The following TEX14 variants were observed in gnomAD, a reference collection of about 807,000 sequenced individuals.
The protein encoded by TEX14 is inactive serine/threonine-protein kinase TEX14.
A neutral mutation model predicts 178.6 loss-of-function variants in TEX14; 168 were observed. The ratio of observed to expected loss-of-function variants is 0.94; its 90% CI spans 0.83 to 1.07. The LOEUF is 1.07. TEX14 is among the 50% of genes least tolerant of loss of function. The probability of loss-of-function intolerance (pLI) is 0.00; values close to 1 mark genes in which losing one functional copy is unlikely to be tolerated. For synonymous variants in TEX14, 626 were observed against 634.1 expected (o/e 0.99, Z 0.19); for missense variants, 1,730 against 1,753.6 (o/e 0.99, Z 0.24).
Position 58,569,228 on chromosome 17 carries a change from G to C in TEX14, c.3850C>G (p.Leu1284Val). ...EAFSQHHIDE[L>V]PPPSQELLDD... is the part of the protein sequence containing the mutation. Reference sequence around the variant, plus strand: ...AGTAGCTCCTGAGATGGTGGTGGCAGCTCATCAATGTGATGCTGTGAGAAG... The same window carrying C: ...AGTAGCTCCTGAGATGGTGGTGGCACCTCATCAATGTGATGCTGTGAGAAG... The change falls in exon 26 of 32, where the codon CTG becomes GTG. Residue 1284 changes from leucine to valine, a missense_variant. This residue lies in a region of TEX14 where 941 missense variants were observed against 1,072.4 expected (regional missense o/e 0.88). Coordinates refer to ENST00000349033, the MANE Select transcript of TEX14 (RefSeq NM_031272.5). This position sits in a 1 kb window ranked among gnomAD's most constrained non-coding sequence, Gnocchi z 4.1. The C allele has an allele frequency of 6.2e-7, 1 of 1,614,042 alleles. No homozygotes were observed. Among genetic ancestry groups the C allele is most frequent in the South Asian group, 1.1e-5 (1 of 91,084 alleles).
At chr17:58,606,517 G>C (rs888902804) in intron 10 of TEX14, among the ~76,000 whole-genome samples, 3 of 152,170 alleles carry the variant, frequency 2.0e-5, no homozygotes, top group Admixed American at 6.5e-5. Flanking sequence ...TTTGGATAGA[G>C]GGCAGTGAGT....
intron 31 of TEX14, 100 bp from the exon 32 acceptor site, chr17:58,557,147 C>T: frequency 2.0e-6 from 2 of 1,014,524 alleles, no homozygotes; most frequent in Non-Finnish European, 3.1e-6. Flanking sequence ...CAATTAAATT[C>T]AAGGGAAAGG....
At chr17:58,636,885 C>G (rs1367792149) in intron 2 of TEX14, among the ~76,000 whole-genome samples, 2 of 150,858 alleles carry the variant, frequency 1.3e-5, no homozygotes, top group African/African-American at 4.9e-5. Context: ...TACACTCCAG[C>G]CTGGGCGACA....
intron 1 of TEX14, chr17:58,661,412 A>G (rs2047107432): frequency 1.2e-6 from 1 of 843,946 alleles, no homozygotes; most frequent in African/African-American, 1.7e-5. Flanking sequence ...TCGGCTGAAC[A>G]AGTCAAGCTG....
intron 14 of TEX14, among the ~76,000 whole-genome samples, chr17:58,596,507 C>G (rs1258490508): frequency 6.6e-6 from 1 of 152,036 alleles, no homozygotes; most frequent in Non-Finnish European, 1.5e-5. Context: ...GTCTTGAACT[C>G]CTGGGCTCAA....
At chr17:58,681,165 G>A (rs1453610155) in intron 1 of TEX14, among the ~76,000 whole-genome samples, 1 of 152,180 alleles carries the variant, frequency 6.6e-6, no homozygotes, top group Non-Finnish European at 1.5e-5. Context: ...GTACTCGGGA[G>A]GCTGAGACAG....
At chr17:58,583,143 AT>A (rs2044865056) in intron 19 of TEX14, among the ~76,000 whole-genome samples, 1 of 149,366 alleles carries the variant, frequency 6.7e-6, no homozygotes, top group South Asian at 2.1e-4. Context: ...ACTAATTTTT[AT>A]TTTTTTTAGA....
rs1296932663 is a variant in TEX14, at chr17:58,676,388, A to G, written c.-2+15551T>C. 1.3e-5 allele frequency among the ~76,000 whole-genome samples: 2 copies of G among 148,530 alleles called. 1 individual carries two copies. The highest frequency in any genetic ancestry group is 3.0e-5 in the Non-Finnish European group (2 of 66,770). On this transcript the variant is annotated intron_variant, in intron 1 of 31. Coordinates refer to ENST00000349033, the MANE Select transcript of TEX14 (RefSeq NM_031272.5). ...AGAAAATCCATCTCAAAAAAAACCA[A>G]AAAAACAAAAAAAAACACAAAAAAA...
At chr17:58,647,148 C>A (rs997773025) in intron 2 of TEX14, among the ~76,000 whole-genome samples, 2 of 151,940 alleles carry the variant, frequency 1.3e-5, no homozygotes, top group Non-Finnish European at 2.9e-5. Context: ...AATCCACCCA[C>A]CTCTGCCTCC....
Position 58,599,527 on chromosome 17 carries a change from C to A in TEX14, c.1818G>T (p.Glu606Asp). 1 of 1,614,042 alleles carries A rather than the reference C, an allele frequency of 6.2e-7. No homozygotes were observed. The highest frequency in any genetic ancestry group is 8.5e-7 in the Non-Finnish European group (1 of 1,180,012). Reference sequence around the variant, plus strand: ...GCTGACCTGTGCTGGGGCTGCTGGCCTCTTCTGCCATAAATGGAGCAGGGC... The same window carrying A: ...GCTGACCTGTGCTGGGGCTGCTGGCATCTTCTGCCATAAATGGAGCAGGGC... ...APCPAPFMAE[E>D]ASSPSTGQPS... Residue 606 changes from glutamate to aspartate, a missense_variant, in exon 14 of 32, where the codon GAG becomes GAT. Glu to Asp is a conservative substitution (Grantham distance 45). This residue lies in a region of TEX14 where 941 missense variants were observed against 1,072.4 expected (regional missense o/e 0.88). Transcript: ENST00000349033.
At chr17:58,581,291 A>G (rs2044810139) in intron 19 of TEX14, among the ~76,000 whole-genome samples, 1 of 152,000 alleles carries the variant, frequency 6.6e-6, no homozygotes, top group Non-Finnish European at 1.5e-5. Flanking sequence ...AGCCTGGGTG[A>G]CAGAGCGAGA....
At chr17:58,602,819 G>A (rs922198979) in intron 11 of TEX14, among the ~76,000 whole-genome samples, 2 of 152,020 alleles carry the variant, frequency 1.3e-5, no homozygotes, top group Admixed American at 1.3e-4. Context: ...TGTAATCCCA[G>A]CACTTTGGGA....
At chr17:58,613,650 G>C in intron 8 of TEX14, 106 bp from the exon 9 acceptor site, 3 of 1,217,712 alleles carry the variant, frequency 2.5e-6, no homozygotes, top group Non-Finnish European at 3.5e-6. Flanking sequence ...ATTTGTATAC[G>C]ATGTTTTCTT....
intron 1 of TEX14, among the ~76,000 whole-genome samples, chr17:58,659,595 GC>G (rs2047064875): frequency 2.0e-5 from 3 of 152,172 alleles, no homozygotes; most frequent in Non-Finnish European, 2.9e-5. Flanking sequence ...GTTCGCTCTA[GC>G]TGCCGCTCCC....
chr17:58,676,394 CA>C (rs558062877), intron 1 of TEX14, among the ~76,000 whole-genome samples: 9 of 144,864 alleles, frequency 6.2e-5, no homozygotes, highest in Non-Finnish European at 1.4e-4. Context: ...ACCAAAAAAA[CA>C]AAAAAAAACA....
chr17:58,612,858 T>C (rs1430607396), intron 9 of TEX14, among the ~76,000 whole-genome samples: 1 of 151,336 alleles, frequency 6.6e-6, no homozygotes, highest in Non-Finnish European at 1.5e-5. Context: ...TGAGCTATGA[T>C]CTCACTACTG....
intron 19 of TEX14, among the ~76,000 whole-genome samples, chr17:58,580,589 C>T (rs1267163356): frequency 6.6e-6 from 1 of 152,090 alleles, no homozygotes; most frequent in Non-Finnish European, 1.5e-5. Context: ...GGATTACAGG[C>T]GTGAGCTACC....
intron 19 of TEX14, among the ~76,000 whole-genome samples, chr17:58,584,293 C>T (rs544793806): frequency 4.8e-4 from 73 of 152,310 alleles, no homozygotes; most frequent in African/African-American, 1.7e-3. Context: ...CTCCAGGATA[C>T]ACAATTCATT....
At position 58,688,929 on chromosome 17, in the gene TEX14, C is replaced by CTATACATA. The variant is rs2047645965; in HGVS notation, c.-2+3002_-2+3009dup. Among the ~76,000 whole-genome samples, 9 of 151,930 alleles carry CTATACATA rather than the reference C, an allele frequency of 5.9e-5. 1 individual carries two copies. The South Asian group carries it at 1.9e-3, about 31-fold the overall frequency. On this transcript the variant is annotated intron_variant, in intron 1 of 31. Transcript: ENST00000349033. Reference sequence around the variant, plus strand: ...TTACCCCCACATTTTGTTTTTATTTCTATACATATATTTTTTTTTGAGATG... The same window carrying CTATACATA: ...TTACCCCCACATTTTGTTTTTATTTCTATACATATATACATATATTTTTTTTTGAGATG...
Sources: allele counts gnomAD v4.1 joint callset (sites outside exome capture counted in the v4.1 genomes callset), GRCh38; gene constraint gnomAD v4.1.1; regional missense constraint gnomAD v4.1.1; non-coding constraint Gnocchi (gnomAD v3.1); transcripts MANE v1.5; gene names NCBI Gene and HGNC (gene_info 2026-07-23, HGNC 2026-07-21).